The following MTMR8 variants were observed in gnomAD, a reference collection of about 807,000 sequenced individuals.
MTMR8 encodes phosphatidylinositol-3,5-bisphosphate 3-phosphatase MTMR8.
In MTMR8, 65 loss-of-function variants were observed where a neutral mutation model predicts 39.3. The ratio of observed to expected loss-of-function variants is 1.65; its 90% CI spans 1.35 to 2.03. The LOEUF (loss-of-function observed/expected upper bound fraction) is 2.03, where lower values mean the gene tolerates loss of function less well. Among genes scored for constraint, MTMR8 ranks in the 30% most tolerant of loss-of-function variants. The probability of loss-of-function intolerance (pLI) is 0.00; values close to 1 mark genes in which losing one functional copy is unlikely to be tolerated. For missense variants in MTMR8, 777 were observed against 538.9 expected (o/e 1.44, Z -4.37); for synonymous variants, 245 against 185.2 (o/e 1.32, Z -2.62).
intron 12 of MTMR8, 35 bp from the exon 13 acceptor site, chrX:64,271,108 A>C: frequency 8.7e-7 from 1 of 1,153,643 alleles, no homozygotes; most frequent in African/African-American, 1.8e-5. Context: ...AAAGTGGGTT[A>C]GTTTAGCTGG....
At position 64,348,804 on chromosome X, in the gene MTMR8, A is replaced by G; in HGVS notation, c.598-10T>C. The G allele has an allele frequency of 8.3e-7, 1 of 1,209,723 alleles. No homozygotes were observed. Among genetic ancestry groups the G allele is most frequent in the African/African-American group, 1.7e-5 (1 of 57,794 alleles). On this transcript the variant is annotated splice_polypyrimidine_tract_variant and intron_variant, in intron 5 of 13. Coordinates refer to ENST00000374852, the MANE Select transcript of MTMR8 (RefSeq NM_017677.4). ...AGCGGCAAATGGCAGCCTGTAAGGA[A>G]AAGGTGTGTCAGTTGAGTGATTATA...
chrX:64,351,147 C>G (rs1923477431), intron 4 of MTMR8, among the ~76,000 whole-genome samples: 1 of 110,825 alleles, frequency 9.0e-6, no homozygotes, highest in South Asian at 3.8e-4. Context: ...TTATACACAT[C>G]AAAAAGACCA....
rs141436695 is a variant in MTMR8, at chrX:64,298,747, T to G, written c.1482-27674A>C. ...AGATAGCTCTTATTATTTTGAAATA[T>G]GTCCCATCAATACCTAATTTATTGA... is the stretch of plus-strand genomic sequence containing the variant. On this transcript the variant is annotated intron_variant, in intron 12 of 13. Transcript: ENST00000374852. Among the ~76,000 whole-genome samples, 438 of 65,797 alleles carry G rather than the reference T, an allele frequency of 6.7e-3. 29 individuals carry two copies. The East Asian group carries it at 0.1, about 16-fold the overall frequency. The allele number at this position is 65,797 out of a possible 115,157, so 57.1% of individuals were successfully genotyped here.
chrX:64,279,334 C>G (rs1462057825), intron 12 of MTMR8, among the ~76,000 whole-genome samples: 2 of 112,046 alleles, frequency 1.8e-5, no homozygotes, highest in African/African-American at 6.5e-5. Flanking sequence ...CATGAAAATA[C>G]TAAACATCAT....
At position 64,268,909 on chromosome X, in the gene MTMR8, G is replaced by C. The variant is rs762557427; in HGVS notation, c.1743C>G (p.Thr581=). The part of the protein sequence containing the change: ...GFMGINGDLN[T]LMENGTLSRE... ...TGGATAGGGTGCCATTCTCCATCAG[G>C]GTATTCAGGTCTCCATTGATACCCA... is the stretch of plus-strand genomic sequence containing the variant. The change falls in exon 14 of 14, where the codon ACC becomes ACG. Residue 581 remains threonine (T), a synonymous_variant. Coordinates refer to ENST00000374852, the MANE Select transcript of MTMR8 (RefSeq NM_017677.4). 8.3e-7 allele frequency: 1 copy of C among 1,211,479 alleles called. No homozygotes were observed. Among genetic ancestry groups the C allele is most frequent in the Non-Finnish European group, 1.1e-6 (1 of 895,494 alleles).
At chrX:64,372,483 C>T (rs1401648867) in intron 1 of MTMR8, among the ~76,000 whole-genome samples, 1 of 111,517 alleles carries the variant, frequency 9.0e-6, no homozygotes, top group Non-Finnish European at 1.9e-5. Context: ...GAGTCACACC[C>T]ATCCCTTCTC....
intron 12 of MTMR8, among the ~76,000 whole-genome samples, chrX:64,324,837 A>AAG (rs1569220734): frequency 2.9e-5 from 3 of 105,053 alleles, no homozygotes; most frequent in South Asian, 3.9e-4. Context: ...AAAAAAAAAA[A>AAG]AGAGAGGTTT....
chrX:64,282,205 C>A (rs1442886746), intron 12 of MTMR8, among the ~76,000 whole-genome samples: 1 of 111,391 alleles, frequency 9.0e-6, no homozygotes, highest in South Asian at 3.8e-4. Context: ...TTTGACCCAG[C>A]AATGCCATTA....
intron 2 of MTMR8, among the ~76,000 whole-genome samples, chrX:64,357,625 G>T (rs1923660358): frequency 9.0e-6 from 1 of 110,500 alleles, no homozygotes; most frequent in African/African-American, 3.3e-5. Flanking sequence ...ACTAGGTATT[G>T]CTTTGTTGCC....
At chrX:64,357,666 G>C (rs952043937) in intron 2 of MTMR8, among the ~76,000 whole-genome samples, 1 of 111,423 alleles carries the variant, frequency 9.0e-6, no homozygotes, top group Non-Finnish European at 1.9e-5. Context: ...GGCTTCAAGC[G>C]ATCCTTCTTC....
chrX:64,343,506 T>C (rs1318074331), intron 8 of MTMR8, 105 bp downstream of exon 8: 1 of 500,417 alleles, frequency 2.0e-6, no homozygotes, highest in South Asian at 3.8e-5. Context: ...GAGCTGAATC[T>C]AGAAACTAGA....
At chrX:64,341,542 A>G (rs986300619) in intron 8 of MTMR8, among the ~76,000 whole-genome samples, 1 of 110,453 alleles carries the variant, frequency 9.1e-6, no homozygotes, top group Non-Finnish European at 1.9e-5. Context: ...CAAAGTATTA[A>G]TATGTGTAAC....
intron 1 of MTMR8, among the ~76,000 whole-genome samples, chrX:64,394,019 G>T (rs1156643806): frequency 8.9e-6 from 1 of 112,151 alleles, no homozygotes; most frequent in African/African-American, 3.2e-5. Context: ...ATTTACCAAA[G>T]AGGTTTATTG....
intron 1 of MTMR8, among the ~76,000 whole-genome samples, chrX:64,392,652 TTTTTAAG>T (rs1221414106): frequency 1.8e-5 from 2 of 111,064 alleles, no homozygotes; most frequent in Non-Finnish European, 3.8e-5. Context: ...GTGTGTCCAG[TTTTTAAG>T]TTTATAGCAC....
intron 1 of MTMR8, among the ~76,000 whole-genome samples, chrX:64,361,869 G>A (rs916512297): frequency 9.1e-6 from 1 of 110,484 alleles, no homozygotes; most frequent in Non-Finnish European, 1.9e-5. Flanking sequence ...AGGATCAGAA[G>A]GGAAGTTCTA....
rs952848779 is a variant in MTMR8 at position 64,271,181 on chromosome X, C to A, written c.1482-108G>T. The A allele has an allele frequency of 1.1e-4, 83 of 764,351 alleles. 1 individual carries two copies. The highest frequency in any genetic ancestry group is 2.6e-4 in the Admixed American group (6 of 22,740). The allele number at this position is 764,351 out of a possible 1,213,427, so 63.0% of individuals were successfully genotyped here. A position where few individuals can be genotyped will look rare whatever the true frequency, so the allele number is the denominator to read the frequency against. On this transcript the variant is annotated intron_variant, in intron 12 of 13. Transcript: ENST00000374852. ...ATATTGGCTTAGTAGGTGGGAAAAT[C>A]TCATGAGTACTGTAATTTGATGACA...
intron 12 of MTMR8, among the ~76,000 whole-genome samples, chrX:64,283,692 C>T (rs1333785861): frequency 8.9e-6 from 1 of 112,553 alleles, no homozygotes; most frequent in Non-Finnish European, 1.9e-5. Flanking sequence ...GCAGCCTCTG[C>T]TGCTGATACC....
chrX:64,326,726 G>A (rs1053368342), intron 12 of MTMR8, among the ~76,000 whole-genome samples: 4 of 110,211 alleles, frequency 3.6e-5, no homozygotes, highest in African/African-American at 9.9e-5. Context: ...AAAAGATCCC[G>A]AATAGCTGAG....
At chrX:64,352,315 T>G (rs1206733152) in intron 4 of MTMR8, among the ~76,000 whole-genome samples, 1 of 111,794 alleles carries the variant, frequency 8.9e-6, no homozygotes, top group Non-Finnish European at 1.9e-5. Context: ...TTGTTGACTT[T>G]GTCCCCTGAA....
Sources: allele counts gnomAD v4.1 joint callset (sites outside exome capture counted in the v4.1 genomes callset), GRCh38; gene constraint gnomAD v4.1.1; transcripts MANE v1.5; gene names NCBI Gene and HGNC (gene_info 2026-07-23, HGNC 2026-07-21).